The following WWTR1 variants were observed in gnomAD, a reference collection of about 807,000 sequenced individuals.
WWTR1 encodes the protein WW domain containing transcription regulator 1, also known as WW domain-containing transcription regulator protein 1.
A neutral mutation model predicts 40.1 loss-of-function variants in WWTR1; 13 were observed. The observed-to-expected ratio is 0.32, with a 90% confidence interval of 0.21 to 0.52. The LOEUF (loss-of-function observed/expected upper bound fraction) is 0.52. Ranked by LOEUF, WWTR1 falls within the 20% of genes least tolerant of loss-of-function variation. The probability of loss-of-function intolerance (pLI) is 0.97; values close to 1 mark genes in which losing one functional copy is unlikely to be tolerated. For missense variants in WWTR1, 436 were observed against 523.1 expected, an observed-to-expected ratio of 0.83 and a Z score of 1.63; for synonymous variants, 230 against 210.1, an observed-to-expected ratio of 1.09 and a Z score of -0.82.
At chr3:149,674,513 G>C (rs1714198629) in intron 1 of WWTR1, among the ~76,000 whole-genome samples, 1 of 152,062 alleles carries the variant, frequency 6.6e-6, no homozygotes, top group East Asian at 1.9e-4. Context: ...CTTGAACCTG[G>C]GAGGCGGAGG....
At chr3:149,652,247 AAC>A (rs1712923419) in intron 2 of WWTR1, among the ~76,000 whole-genome samples, 1 of 151,942 alleles carries the variant, frequency 6.6e-6, no homozygotes, top group African/African-American at 2.4e-5. Context: ...TGTGGAAAGC[AAC>A]ATTGTCAAAA....
intron 3 of WWTR1, among the ~76,000 whole-genome samples, chr3:149,554,202 C>A (rs1009818601): frequency 6.6e-6 from 1 of 152,138 alleles, no homozygotes; most frequent in African/African-American, 2.4e-5. Flanking sequence ...AATTTCTCAG[C>A]CGGCTCAGTT....
At chr3:149,660,974 C>A, upstream of WWTR1, 1 of 152,202 alleles carries the variant, frequency 6.6e-6, no homozygotes, top group Non-Finnish European at 1.5e-5. Context: ...TACGTAGCCC[C>A]TTCCACTTAA....
chr3:149,570,354 G>C (rs539293136), intron 3 of WWTR1, among the ~76,000 whole-genome samples: 1 of 152,040 alleles, frequency 6.6e-6, no homozygotes, highest in East Asian at 1.9e-4. Flanking sequence ...GGATCGCCAG[G>C]GGTCAGGAGT....
At chr3:149,553,229 C>T (rs1239228659) in intron 3 of WWTR1, among the ~76,000 whole-genome samples, 1 of 152,198 alleles carries the variant, frequency 6.6e-6, no homozygotes, top group African/African-American at 2.4e-5. Flanking sequence ...CTACAGCTGG[C>T]ATCAGCTGCA....
intron 2 of WWTR1, among the ~76,000 whole-genome samples, chr3:149,665,986 AT>A (rs1713799022): frequency 6.6e-6 from 1 of 152,104 alleles, no homozygotes; most frequent in Admixed American, 6.6e-5. Context: ...TACGGTACAT[AT>A]TTTTTTAATA....
At chr3:149,629,603 C>G (rs1202579619) in intron 2 of WWTR1, among the ~76,000 whole-genome samples, 1 of 152,156 alleles carries the variant, frequency 6.6e-6, no homozygotes, top group African/African-American at 2.4e-5. Flanking sequence ...AAGACCAAAA[C>G]AAAACCATGA....
chr3:149,646,094 T>C (rs1005845638), intron 2 of WWTR1, among the ~76,000 whole-genome samples: 6 of 152,190 alleles, frequency 3.9e-5, no homozygotes, highest in African/African-American at 1.2e-4. Context: ...ATTAAGTTAA[T>C]GAAAGGTATG....
rs550306826 is a variant in WWTR1 at position 149,696,042 on chromosome 3, G to A, written c.-108+7082C>T. 4.1e-5 allele frequency among the ~76,000 whole-genome samples: 6 copies of A among 148,054 alleles called. No individual in the cohort carries two copies. The East Asian group carries it at 1.2e-3, about 29-fold the overall frequency. ...GCAGGAGAATGGCGTGAACCCAGGA[G>A]GTGGAGCTTGCAGTGAGCCGAGATC... On this transcript the variant is annotated intron_variant, in intron 1 of 7. Coordinates refer to the WWTR1 transcript ENST00000465804.
intron 2 of WWTR1, among the ~76,000 whole-genome samples, chr3:149,602,288 C>T (rs1038708744): frequency 6.6e-6 from 1 of 152,164 alleles, no homozygotes; most frequent in Non-Finnish European, 1.5e-5. Context: ...CCTTTATATT[C>T]TTGAATGAGC....
intron 3 of WWTR1, among the ~76,000 whole-genome samples, chr3:149,565,371 A>G (rs980684095): frequency 1.6e-4 from 24 of 151,896 alleles, no homozygotes; most frequent in Non-Finnish European, 1.6e-4. Context: ...TTTCTTATCA[A>G]AGAAGAAATT....
chr3:149,667,394 A>G (rs1713879344), intron 2 of WWTR1, among the ~76,000 whole-genome samples: 1 of 151,962 alleles, frequency 6.6e-6, no homozygotes, highest in Non-Finnish European at 1.5e-5. Context: ...AAAAAATACA[A>G]AAAATTAGCA....
chr3:149,700,730 C>T (rs908624184), intron 1 of WWTR1, among the ~76,000 whole-genome samples: 4 of 152,142 alleles, frequency 2.6e-5, no homozygotes, highest in African/African-American at 9.7e-5. Context: ...GGAATGGGAT[C>T]ACAGGCTGGG....
intron 4 of WWTR1, among the ~76,000 whole-genome samples, chr3:149,720,195 A>T (rs2108237612): frequency 6.6e-6 from 1 of 152,284 alleles, no homozygotes; most frequent in Admixed American, 6.5e-5. Flanking sequence ...TCACTGCCTA[A>T]TCCCATGTCG....
At chr3:149,640,233 T>C (rs544374462) in intron 2 of WWTR1, among the ~76,000 whole-genome samples, 254 of 152,214 alleles carry the variant, frequency 1.7e-3, no homozygotes, top group African/African-American at 6.0e-3. Flanking sequence ...AAGAAACCTT[T>C]AATTTCACCC....
chr3:149,674,914 C>T (rs185098436), intron 1 of WWTR1, among the ~76,000 whole-genome samples: 2 of 152,216 alleles, frequency 1.3e-5, no homozygotes. Flanking sequence ...TAGAGAGAAC[C>T]AATGGCATTT....
chr3:149,557,632 AT>A (rs113299302), intron 3 of WWTR1, among the ~76,000 whole-genome samples: 2 of 152,042 alleles, frequency 1.3e-5, no homozygotes, highest in Non-Finnish European at 2.9e-5. Flanking sequence ...CATGGTATGC[AT>A]TTTTTCCCTG....
At chr3:149,565,054 G>C (rs577041222) in intron 3 of WWTR1, among the ~76,000 whole-genome samples, 185 of 152,110 alleles carry the variant, frequency 1.2e-3, no homozygotes, top group Middle Eastern at 3.4e-3. Flanking sequence ...TGGGTGTGGT[G>C]GTGGGCACCT....
intron 2 of WWTR1, among the ~76,000 whole-genome samples, chr3:149,611,371 T>C (rs1361068340): frequency 1.3e-5 from 2 of 152,166 alleles, no homozygotes; most frequent in Non-Finnish European, 2.9e-5. Flanking sequence ...CTCACTTATC[T>C]ATGTATTGTC....
Sources: allele counts gnomAD v4.1 joint callset (sites outside exome capture counted in the v4.1 genomes callset), GRCh38; gene constraint gnomAD v4.1.1; transcripts MANE v1.5; gene names NCBI Gene and HGNC (gene_info 2026-07-23, HGNC 2026-07-21).